The following PTGFRN variants were observed in gnomAD, a reference collection of about 807,000 sequenced individuals.
PTGFRN encodes prostaglandin F2 receptor inhibitor, also known as prostaglandin F2 receptor negative regulator.
Under a neutral mutation model 83.2 loss-of-function variants are expected in PTGFRN, and 35 were observed. The observed-to-expected ratio is 0.42, with a 90% CI of 0.32 to 0.56. The LOEUF (loss-of-function observed/expected upper bound fraction) is 0.56. Ranked by LOEUF, PTGFRN falls within the 20% of genes least tolerant of loss-of-function variation. The probability of loss-of-function intolerance (pLI) is 0.11; values close to 1 mark genes in which losing one functional copy is unlikely to be tolerated. For missense variants in PTGFRN, 1,051 were observed against 1,179.5 expected, an observed-to-expected ratio of 0.89 and a Z score of 1.60; for synonymous variants, 519 against 498.6, an observed-to-expected ratio of 1.04 and a Z score of -0.55.
chr1:116,956,252 G>A (rs1650489226), intron 4 of PTGFRN, among the ~76,000 whole-genome samples: 1 of 152,112 alleles, frequency 6.6e-6, no homozygotes, highest in African/African-American at 2.4e-5. Flanking sequence ...ACTTATTTTT[G>A]TTTGCCTTTG....
At chr1:116,975,834 A>G (rs983159030) in intron 7 of PTGFRN, among the ~76,000 whole-genome samples, 4 of 152,256 alleles carry the variant, frequency 2.6e-5, no homozygotes, top group Non-Finnish European at 5.9e-5. Context: ...CTCCAAAGGA[A>G]CGCAGCTCTT....
At position 116,910,176 on chromosome 1, in the gene PTGFRN, G is replaced by C. The variant is rs1057132482; in HGVS notation, c.-28G>C. 4 of 1,504,874 alleles carry C rather than the reference G, an allele frequency of 2.7e-6. No homozygotes were observed. The East Asian group carries it at 7.8e-5, about 29-fold the overall frequency. The allele number at this position is 1,504,874 out of a possible 1,614,324, so 93.2% of individuals were successfully genotyped here. A position where few individuals can be genotyped will look rare whatever the true frequency, so the allele number is the denominator to read the frequency against. On this transcript the variant is annotated 5_prime_UTR_variant, in exon 1 of 9. Coordinates refer to ENST00000393203, the MANE Select transcript of PTGFRN (RefSeq NM_020440.4). ...GAGAGGCGGCGGGGAAGGAGGAGGA[G>C]GGGGAGAGTCGCTCCCGCCGGGCGA...
chr1:116,988,518 G>A lies in PTGFRN; in HGVS notation c.*1551G>A, dbSNP rs999507853. The stretch of plus-strand genomic sequence containing the variant: ...AATTGCAATCCTCTGCTTTTATCTT[G>A]ACTTTGAAGGATCTAACACTGCTCT... On this transcript the variant is annotated 3_prime_UTR_variant, in exon 9 of 9. Transcript: ENST00000393203. 3 of 152,600 alleles carry A rather than the reference G, an allele frequency of 2.0e-5. No homozygotes were observed. The highest frequency in any genetic ancestry group is 4.4e-5 in the Non-Finnish European group (3 of 68,056). 9.5% of individuals were successfully genotyped at this position (152,600 alleles called of 1,614,324 possible).
chr1:116,966,626 C>T (rs1484683162), intron 5 of PTGFRN, among the ~76,000 whole-genome samples: 2 of 152,202 alleles, frequency 1.3e-5, no homozygotes, highest in Non-Finnish European at 2.9e-5. Flanking sequence ...CAGATTCTTC[C>T]TGGTGAAACT....
chr1:116,949,151 A>G (rs748244879), intron 3 of PTGFRN, 41 bp from the exon 4 acceptor site: 2 of 1,530,224 alleles, frequency 1.3e-6, no homozygotes, highest in Non-Finnish European at 1.8e-6. Context: ...AGGGGCAAAC[A>G]TAATCAGATT....
intron 1 of PTGFRN, among the ~76,000 whole-genome samples, chr1:116,940,843 A>T (rs1429677339): frequency 6.6e-6 from 1 of 152,248 alleles, no homozygotes; most frequent in East Asian, 1.9e-4. Context: ...TTGAAATGCT[A>T]AACAGGTAGT....
intron 7 of PTGFRN, among the ~76,000 whole-genome samples, chr1:116,983,022 T>G (rs1328981637): frequency 2.0e-5 from 3 of 152,132 alleles, no homozygotes; most frequent in African/African-American, 7.2e-5. Context: ...GCATGTGTGT[T>G]GAGCTGTGGA....
intron 1 of PTGFRN, among the ~76,000 whole-genome samples, chr1:116,924,924 C>G (rs1332611569): frequency 6.6e-6 from 1 of 152,140 alleles, no homozygotes; most frequent in African/African-American, 2.4e-5. Context: ...GGCTGACAGG[C>G]AGTTGGCTCC....
At chr1:116,934,224 C>T (rs112224908) in intron 1 of PTGFRN, among the ~76,000 whole-genome samples, 2,526 of 152,304 alleles carry the variant, frequency 0.017, 33 homozygotes, top group South Asian at 0.035. Flanking sequence ...TGGCTCACTG[C>T]AGCCTCCATC....
chr1:116,954,222 C>T (rs148305270), intron 4 of PTGFRN, among the ~76,000 whole-genome samples: 3 of 152,204 alleles, frequency 2.0e-5, no homozygotes, highest in Admixed American at 6.5e-5. Context: ...ATTTTTATTG[C>T]TCTGAAATGG....
chr1:116,932,819 A>G (rs998094140), intron 1 of PTGFRN, among the ~76,000 whole-genome samples: 1 of 152,196 alleles, frequency 6.6e-6, no homozygotes, highest in African/African-American at 2.4e-5. Context: ...ATATAATGCA[A>G]TTGAAGGCAA....
At chr1:116,968,647 A>T (rs1351829052) in intron 6 of PTGFRN, among the ~76,000 whole-genome samples, 1 of 152,102 alleles carries the variant, frequency 6.6e-6, no homozygotes, top group Non-Finnish European at 1.5e-5. Context: ...CTACTATCTA[A>T]TTCCAGAACA....
intron 7 of PTGFRN, among the ~76,000 whole-genome samples, chr1:116,976,679 A>AT (rs1651165582): frequency 6.6e-6 from 1 of 152,200 alleles, no homozygotes; most frequent in Non-Finnish European, 1.5e-5. Context: ...ATGCTGAGAG[A>AT]TTTTGTCACC....
In PTGFRN at chr1:116,987,660, A is replaced by T. The variant is rs945250432; in HGVS notation, c.*693A>T. On this transcript the variant is annotated 3_prime_UTR_variant, in exon 9 of 9. Transcript: ENST00000393203. ...AGAGCACTGAAATGGCAGCCCTGGA[A>T]TCTACAATTTGGCTCTCCACTGAGC... The T allele has an allele frequency of 6.6e-6, 1 of 151,516 alleles. No individual in the cohort carries two copies. The highest frequency in any genetic ancestry group is 1.5e-5 in the Non-Finnish European group (1 of 68,002). 9.4% of individuals were successfully genotyped at this position (151,516 alleles called of 1,614,324 possible).
rs1437316493 is a variant in PTGFRN, at chr1:116,990,059, C to A, written c.*3092C>A. Reference sequence around the variant, plus strand: ...TTCAGAAAACTTTTTTTTAGCTTCACCGATGACAACAGAGGAAGAAGGGAA... The same window carrying A: ...TTCAGAAAACTTTTTTTTAGCTTCAACGATGACAACAGAGGAAGAAGGGAA... On this transcript the variant is annotated 3_prime_UTR_variant, in exon 9 of 9. Transcript: ENST00000393203. 1.3e-5 allele frequency: 2 copies of A among 152,606 alleles called. No individual in the cohort carries two copies. The highest frequency in any genetic ancestry group is 2.9e-5 in the Non-Finnish European group (2 of 68,042). The allele number at this position is 152,606 out of a possible 1,614,324, so 9.5% of individuals were successfully genotyped here.
intron 4 of PTGFRN, among the ~76,000 whole-genome samples, chr1:116,950,261 C>T (rs1265066362): frequency 6.6e-6 from 1 of 152,128 alleles, no homozygotes; most frequent in Non-Finnish European, 1.5e-5. Context: ...CTCTTTTTTC[C>T]CTAAATGTTT....
chr1:116,912,328 C>T (rs1649292234), intron 1 of PTGFRN, among the ~76,000 whole-genome samples: 1 of 152,232 alleles, frequency 6.6e-6, no homozygotes, highest in Non-Finnish European at 1.5e-5. Flanking sequence ...CACAGAATCT[C>T]ACTCGGTGTG....
intron 1 of PTGFRN, among the ~76,000 whole-genome samples, chr1:116,935,851 T>C (rs1649908433): frequency 6.6e-6 from 1 of 152,206 alleles, no homozygotes; most frequent in African/African-American, 2.4e-5. Context: ...ATGTGAATTT[T>C]TGTGTCATTG....
Position 116,961,609 on chromosome 1 carries a change from G to A in PTGFRN, c.1580G>A (p.Ser527Asn). The change falls in exon 5 of 9, where the codon AGC becomes AAC. Residue 527 changes from serine (S) to asparagine (N), a missense_variant. Ser to Asn is a conservative substitution (Grantham distance 46, BLOSUM62 1). Transcript: ENST00000393203. This position sits in a 1 kb window ranked among gnomAD's most constrained non-coding sequence, Gnocchi z 5.4. ...VSAWTKQRNNSWVKSKDVFSK... is the reference protein window; with the variant it reads ...VSAWTKQRNNNWVKSKDVFSK... The stretch of plus-strand genomic sequence containing the variant: ...GCCTGGACCAAACAGCGGAACAACA[G>A]CTGGGTGAAAAGCAAGGATGTCTTC... The A allele has an allele frequency of 6.2e-7, 1 of 1,614,134 alleles. No individual in the cohort carries two copies. Among genetic ancestry groups the A allele is most frequent in the Non-Finnish European group, 8.5e-7 (1 of 1,179,988 alleles).
Sources: allele counts gnomAD v4.1 joint callset (sites outside exome capture counted in the v4.1 genomes callset), GRCh38; gene constraint gnomAD v4.1.1; non-coding constraint Gnocchi (gnomAD v3.1); transcripts MANE v1.5; gene names NCBI Gene and HGNC (gene_info 2026-07-23, HGNC 2026-07-21).